CALD1: variants seen among roughly 807,000 people sequenced by gnomAD.
The protein encoded by CALD1 is caldesmon.
CALD1 carries 33 observed loss-of-function variants against 99.9 expected under a neutral mutation model. That is an observed-to-expected ratio of 0.33 (90% confidence interval 0.25 to 0.44). The LOEUF (loss-of-function observed/expected upper bound fraction) is 0.44, where lower values mean the gene tolerates loss of function less well. Among genes scored for constraint, CALD1 ranks in the 20% least tolerant of loss-of-function variants. The probability of loss-of-function intolerance (pLI) is 1.00; values close to 1 mark genes in which losing one functional copy is unlikely to be tolerated. For synonymous variants in CALD1, 310 were observed against 325.0 expected (o/e 0.95, Z 0.50); for missense variants, 861 against 962.1 (o/e 0.89, Z 1.39).
chr7:134,719,353 G>A, the CALD1 span, among the ~76,000 whole-genome samples: 1 of 152,168 alleles, frequency 6.6e-6, no homozygotes, highest in Non-Finnish European at 1.5e-5. Flanking sequence ...CAAATAGAGG[G>A]CTGGGGTCCC....
chr7:134,805,718 C>T (rs964634181), intron 1 of CALD1, among the ~76,000 whole-genome samples: 2 of 152,104 alleles, frequency 1.3e-5, no homozygotes, highest in African/African-American at 4.8e-5. Context: ...TATCTTTCTT[C>T]CCATGGCAAT....
the CALD1 span, among the ~76,000 whole-genome samples, chr7:134,722,413 A>ATTTG: frequency 6.6e-6 from 1 of 150,410 alleles, no homozygotes; most frequent in Non-Finnish European, 1.5e-5. Flanking sequence ...TTATTTATTT[A>ATTTG]TTTATTTGTT....
At chr7:134,745,688 G>A (rs1796629718) in intron 1 of CALD1, 1 of 152,104 alleles carries the variant, frequency 6.6e-6, no homozygotes, top group Non-Finnish European at 1.5e-5. Context: ...AATTTTCCCT[G>A]GCTACATTAA....
chr7:134,819,618 T>G (rs1798693143), intron 1 of CALD1, among the ~76,000 whole-genome samples: 1 of 152,236 alleles, frequency 6.6e-6, no homozygotes, highest in Non-Finnish European at 1.5e-5. Context: ...CAGTCCAATG[T>G]ATTGAAATCA....
At chr7:134,723,813 G>A in the CALD1 span, among the ~76,000 whole-genome samples, 2 of 152,124 alleles carry the variant, frequency 1.3e-5, no homozygotes, top group Admixed American at 6.5e-5. Flanking sequence ...TGCTGAGGTT[G>A]AGAAAGCCTA....
intron 3 of CALD1, among the ~76,000 whole-genome samples, chr7:134,883,862 C>T (rs1247371483): frequency 6.6e-6 from 1 of 152,094 alleles, no homozygotes; most frequent in Admixed American, 6.5e-5. Context: ...AATCCCAGCA[C>T]TTTGGGAGGC....
chr7:134,771,498 C>T (rs1194029350), intron 1 of CALD1, among the ~76,000 whole-genome samples: 1 of 152,186 alleles, frequency 6.6e-6, no homozygotes, highest in African/African-American at 2.4e-5. Flanking sequence ...GAATTAAATG[C>T]TCTCTCAGCT....
At chr7:134,833,886 G>T (rs1402725406) in intron 1 of CALD1, among the ~76,000 whole-genome samples, 1 of 152,166 alleles carries the variant, frequency 6.6e-6, no homozygotes, top group African/African-American at 2.4e-5. Context: ...AGGAATAGTA[G>T]AAGAGCAAAT....
At chr7:134,753,655 G>C (rs965461769) in intron 1 of CALD1, among the ~76,000 whole-genome samples, 1 of 152,228 alleles carries the variant, frequency 6.6e-6, no homozygotes, top group Non-Finnish European at 1.5e-5. Context: ...TTGCAAGGCA[G>C]AGATGCAGAG....
Position 134,933,414 on chromosome 7 carries a change from AAC to A in CALD1, c.647_648del (p.Thr216AsnfsTer2), listed in dbSNP as rs1805692037. 1 of 1,613,316 alleles carries A rather than the reference AAC, an allele frequency of 6.2e-7. No individual in the cohort carries two copies. Among genetic ancestry groups the A allele is most frequent in the Admixed American group, 1.7e-5 (1 of 59,960 alleles). Reference protein sequence around the residue: ...NQVEVMVEEKTTESQEETVVM... With the variant: ...NQVEVMVEEKXTESQEETVVM... ...AGGTAGAGGTGATGGTGGAAGAGAAAACAACTGAAAGCCAGGAGGAAACAGTG... is the reference window on the plus strand; with the variant it reads ...AGGTAGAGGTGATGGTGGAAGAGAAAAACTGAAAGCCAGGAGGAAACAGTG... On this transcript the variant is annotated frameshift_variant, in exon 5 of 15. Transcript: ENST00000361675. LOFTEE classifies it high-confidence loss of function.
the CALD1 span, among the ~76,000 whole-genome samples, chr7:134,729,088 G>C: frequency 6.6e-6 from 1 of 152,110 alleles, no homozygotes; most frequent in African/African-American, 2.4e-5. Context: ...CTGGCCTCAA[G>C]TGACCTGCCC....
chr7:134,911,060 C>T (rs756928293), intron 3 of CALD1, among the ~76,000 whole-genome samples: 2 of 152,122 alleles, frequency 1.3e-5, no homozygotes, highest in Non-Finnish European at 2.9e-5. Context: ...TTGGGGGTTC[C>T]ATCTCCTGTA....
intron 3 of CALD1, among the ~76,000 whole-genome samples, chr7:134,896,166 G>A (rs565339211): frequency 1.3e-5 from 2 of 152,184 alleles, no homozygotes; most frequent in African/African-American, 4.8e-5. Context: ...GGGGCCGCCT[G>A]CATCAGGAAT....
At chr7:134,762,737 C>T (rs559116788) in intron 1 of CALD1, among the ~76,000 whole-genome samples, 3 of 152,164 alleles carry the variant, frequency 2.0e-5, no homozygotes, top group Admixed American at 6.5e-5. Context: ...CTCACTATCA[C>T]GAGAACAGCA....
intron 1 of CALD1, among the ~76,000 whole-genome samples, chr7:134,751,051 T>A (rs1585897294): frequency 6.6e-6 from 1 of 152,192 alleles, no homozygotes; most frequent in East Asian, 1.9e-4. Flanking sequence ...CAAGCTTGGT[T>A]CACTTACAAT....
chr7:134,929,621 C>CACACACATATACACACACGTGTGT, intron 4 of CALD1, among the ~76,000 whole-genome samples: 55 of 4,174 alleles, frequency 0.013, 10 homozygotes, highest in South Asian at 0.021. Flanking sequence ...TGTATATATA[C>CACACACATATACACACACGTGTGT]GTGTGTGTGT....
At chr7:134,815,407 A>G (rs1260587671) in intron 1 of CALD1, among the ~76,000 whole-genome samples, 1 of 152,190 alleles carries the variant, frequency 6.6e-6, no homozygotes, top group Non-Finnish European at 1.5e-5. Context: ...GGGACTTCCC[A>G]GTCCCAGTGC....
chr7:134,797,843 C>T (rs951538791), intron 1 of CALD1, among the ~76,000 whole-genome samples: 2 of 152,148 alleles, frequency 1.3e-5, no homozygotes, highest in African/African-American at 2.4e-5. Context: ...CCACCTGACT[C>T]GGCTTCCCAA....
chr7:134,751,123 C>A (rs1796682331), intron 1 of CALD1, among the ~76,000 whole-genome samples: 1 of 152,202 alleles, frequency 6.6e-6, no homozygotes, highest in African/African-American at 2.4e-5. Flanking sequence ...CAAATCCCTG[C>A]TTTTCTACCT....
Sources: allele counts gnomAD v4.1 joint callset (sites outside exome capture counted in the v4.1 genomes callset), GRCh38; gene constraint gnomAD v4.1.1; transcripts MANE v1.5; gene names NCBI Gene and HGNC (gene_info 2026-07-23, HGNC 2026-07-21).